Variants in RELN observed in about 807,000 individuals in gnomAD.
RELN encodes the protein reelin.
RELN carries 108 observed loss-of-function variants against 427.6 expected under a neutral mutation model. The ratio of observed to expected loss-of-function variants is 0.25; its 90% confidence interval spans 0.22 to 0.30. The LOEUF (loss-of-function observed/expected upper bound fraction) is 0.30, where lower values mean the gene tolerates loss of function less well. RELN is among the 10% of genes least tolerant of loss of function. The pLI, the probability that RELN is intolerant of heterozygous loss-of-function variation, is 1.00. For missense variants in RELN, 3,715 were observed against 4,302.8 expected, an observed-to-expected ratio of 0.86 and a Z score of 3.82; for synonymous variants, 1,524 against 1,513.4, an observed-to-expected ratio of 1.01 and a Z score of -0.16.
rs1439158470 is a variant in RELN at position 103,989,033 on chromosome 7, C to T, written c.226+98G>A. On this transcript the variant is annotated intron_variant, in intron 1 of 64. Transcript: ENST00000428762. This position sits in a 1 kb window ranked among gnomAD's most constrained non-coding sequence, Gnocchi z 4.9. ...CGCTGGGGCCAGGGTTGTCATGGTT[C>T]TTGTTTCCAAGGCCCCTTGGAAGAA... 2 of 1,112,796 alleles carry T rather than the reference C, an allele frequency of 1.8e-6. No homozygotes were observed. Among genetic ancestry groups the T allele is most frequent in the African/African-American group, 3.1e-5 (2 of 65,154 alleles). The allele number at this position is 1,112,796 out of a possible 1,614,324, so 68.9% of individuals were successfully genotyped here. A position where few individuals can be genotyped will look rare whatever the true frequency, so the allele number is the denominator to read the frequency against.
At chr7:103,634,904 G>A (rs1237564621) in intron 19 of RELN, among the ~76,000 whole-genome samples, 1 of 151,962 alleles carries the variant, frequency 6.6e-6, no homozygotes, top group East Asian at 1.9e-4. Context: ...CTGTCGCCAG[G>A]TTGGAGTACA....
At chr7:103,854,371 G>A (rs879929606) in intron 2 of RELN, among the ~76,000 whole-genome samples, 1 of 151,918 alleles carries the variant, frequency 6.6e-6, no homozygotes, top group African/African-American at 2.4e-5. Context: ...AACTTTTTTT[G>A]TTTCTGATCA....
chr7:103,688,903 T>C (rs941052160), intron 10 of RELN, among the ~76,000 whole-genome samples: 1 of 152,110 alleles, frequency 6.6e-6, no homozygotes, highest in African/African-American at 2.4e-5. Context: ...TTGATGTTTG[T>C]TAAACTAGAA....
chr7:103,917,269 C>T, intron 1 of RELN, 84 bp from the exon 2 acceptor site: 1 of 1,052,024 alleles, frequency 9.5e-7, no homozygotes, highest in Non-Finnish European at 1.5e-6. Flanking sequence ...ATTGTCAAAA[C>T]AATCTTTACT....
chr7:103,789,033 C>T (rs1010393280), intron 3 of RELN, among the ~76,000 whole-genome samples: 1 of 152,070 alleles, frequency 6.6e-6, no homozygotes, highest in Non-Finnish European at 1.5e-5. Flanking sequence ...AGAAATAACA[C>T]CACACAAATA....
chr7:103,581,456 T>G (rs554785949), intron 28 of RELN, among the ~76,000 whole-genome samples: 6 of 152,144 alleles, frequency 3.9e-5, no homozygotes, highest in Non-Finnish European at 7.4e-5. Flanking sequence ...CTGATGGAGA[T>G]AATACAACCA....
chr7:103,690,243 C>T (rs76772445), intron 10 of RELN, among the ~76,000 whole-genome samples: 4,352 of 152,026 alleles, frequency 0.029, 202 homozygotes, highest in African/African-American at 0.097. Flanking sequence ...CAAGGTGATA[C>T]GTTGAATCTT....
chr7:103,766,161 C>T (rs1791420543), intron 4 of RELN, among the ~76,000 whole-genome samples: 1 of 152,088 alleles, frequency 6.6e-6, no homozygotes, highest in African/African-American at 2.4e-5. Context: ...GGATGGTTTT[C>T]CCTGAGCCTC....
At chr7:103,857,399 G>C (rs941776254) in intron 2 of RELN, among the ~76,000 whole-genome samples, 4 of 152,190 alleles carry the variant, frequency 2.6e-5, no homozygotes, top group Admixed American at 6.5e-5. Context: ...AGTTTTTAGA[G>C]GAAGTTGAAT....
intron 45 of RELN, among the ~76,000 whole-genome samples, chr7:103,537,170 T>G (rs774103449): frequency 3.3e-5 from 5 of 152,242 alleles, no homozygotes; most frequent in Non-Finnish European, 1.5e-5. Context: ...AAATTTTACT[T>G]TTCTGTCTCC....
intron 20 of RELN, among the ~76,000 whole-genome samples, chr7:103,619,471 C>T (rs1042478730): frequency 6.6e-6 from 1 of 152,160 alleles, no homozygotes; most frequent in African/African-American, 2.4e-5. Context: ...GCCAATTTAC[C>T]CAACATTCCA....
At chr7:103,659,156 A>G (rs1007886487) in intron 12 of RELN, among the ~76,000 whole-genome samples, 1 of 151,948 alleles carries the variant, frequency 6.6e-6, no homozygotes, top group African/African-American at 2.4e-5. Flanking sequence ...CATAAGCAAC[A>G]TCAAAATATT....
chr7:103,826,443 A>G (rs1399618756), intron 3 of RELN, among the ~76,000 whole-genome samples: 13 of 151,930 alleles, frequency 8.6e-5, no homozygotes, highest in African/African-American at 3.1e-4. Flanking sequence ...AGAAGCAATC[A>G]GTTTTATTTC....
At chr7:103,933,554 G>C (rs927941250) in intron 1 of RELN, among the ~76,000 whole-genome samples, 2 of 151,972 alleles carry the variant, frequency 1.3e-5, no homozygotes, top group Non-Finnish European at 2.9e-5. Flanking sequence ...AGGCAGGCAG[G>C]CAGGCAGTCA....
At chr7:103,567,128 A>T (rs1436266909) in intron 31 of RELN, among the ~76,000 whole-genome samples, 1 of 152,186 alleles carries the variant, frequency 6.6e-6, no homozygotes, top group Non-Finnish European at 1.5e-5. Context: ...GAAATATCTC[A>T]ATCTCCCTGG....
At chr7:103,806,618 C>A (rs541395567) in intron 3 of RELN, among the ~76,000 whole-genome samples, 6 of 152,156 alleles carry the variant, frequency 3.9e-5, no homozygotes, top group African/African-American at 1.4e-4. Flanking sequence ...AGCCACCATG[C>A]CCGGCCATAA....
chr7:103,654,061 G>T, intron 13 of RELN, 32 bp downstream of exon 13: 1 of 1,247,178 alleles, frequency 8.0e-7, no homozygotes, highest in Non-Finnish European at 1.2e-6. Context: ...GGTCTGAGGT[G>T]GTCTATTTGC....
chr7:103,827,770 G>A (rs1035688979), intron 3 of RELN, among the ~76,000 whole-genome samples: 1 of 151,912 alleles, frequency 6.6e-6, no homozygotes, highest in African/African-American at 2.4e-5. Context: ...ATTGTCTCAA[G>A]TTGGGAGATG....
chr7:103,949,487 C>A (rs189658875), intron 1 of RELN, among the ~76,000 whole-genome samples: 1 of 152,236 alleles, frequency 6.6e-6, no homozygotes, highest in East Asian at 1.9e-4. Context: ...GCGATTAGTG[C>A]TCTTAGAGGA....
Sources: allele counts gnomAD v4.1 joint callset (sites outside exome capture counted in the v4.1 genomes callset), GRCh38; gene constraint gnomAD v4.1.1; non-coding constraint Gnocchi (gnomAD v3.1); transcripts MANE v1.5; gene names NCBI Gene and HGNC (gene_info 2026-07-23, HGNC 2026-07-21).